Variants in ST6GAL1 observed in about 807,000 individuals in gnomAD.
ST6GAL1 encodes the protein beta-galactoside alpha-2,6-sialyltransferase 1.
ST6GAL1 carries 20 observed loss-of-function variants against 38.0 expected under a neutral mutation model. The observed-to-expected ratio is 0.53, with a 90% CI of 0.37 to 0.77. The LOEUF is 0.77. Among genes scored for constraint, ST6GAL1 ranks in the 30% least tolerant of loss-of-function variants. The pLI, the probability that ST6GAL1 is intolerant of heterozygous loss-of-function variation, is 0.00. For missense variants in ST6GAL1, 432 were observed against 496.4 expected (o/e 0.87, Z 1.23); for synonymous variants, 196 against 188.2 (o/e 1.04, Z -0.34).
At chr3:187,009,886 T>A (rs1425119247) in intron 2 of ST6GAL1, among the ~76,000 whole-genome samples, 1 of 151,972 alleles carries the variant, frequency 6.6e-6, no homozygotes, top group African/African-American at 2.4e-5. Flanking sequence ...GCACCTGTAA[T>A]CCCAGCTACT....
chr3:186,979,161 C>A (rs1233108733), intron 2 of ST6GAL1, among the ~76,000 whole-genome samples: 1 of 151,962 alleles, frequency 6.6e-6, no homozygotes, highest in Non-Finnish European at 1.5e-5. Flanking sequence ...CATTGTAAAA[C>A]AAACTGTATA....
At chr3:186,965,002 T>G (rs572139849) in intron 2 of ST6GAL1, among the ~76,000 whole-genome samples, 1 of 152,252 alleles carries the variant, frequency 6.6e-6, no homozygotes, top group Non-Finnish European at 1.5e-5. Context: ...ACAGAAATGT[T>G]TTGCGTACAG....
At chr3:187,055,383 T>C (rs1331401584) in intron 5 of ST6GAL1, among the ~76,000 whole-genome samples, 1 of 152,192 alleles carries the variant, frequency 6.6e-6, no homozygotes, top group Non-Finnish European at 1.5e-5. Context: ...CTCTAGTTCT[T>C]TTAATTGTGA....
chr3:187,076,736 A>G lies in ST6GAL1; in HGVS notation c.*933A>G, dbSNP rs1227798820. 7.5e-6 allele frequency: 3 copies of G among 398,174 alleles called. No homozygotes were observed. The highest frequency in any genetic ancestry group is 2.1e-5 in the African/African-American group (1 of 48,618). 24.7% of individuals were successfully genotyped at this position (398,174 alleles called of 1,614,324 possible). A position where few individuals can be genotyped will look rare whatever the true frequency, so the allele number is the denominator to read the frequency against. ...TTGAATTGTGTTTTTCTTTCTTCCC[A>G]TGTTTATTTTCTAAGATCTACCTGA... On this transcript the variant is annotated 3_prime_UTR_variant, in exon 8 of 8. Transcript: ENST00000169298.
intron 2 of ST6GAL1, among the ~76,000 whole-genome samples, chr3:187,022,551 T>C (rs1256679562): frequency 2.0e-5 from 3 of 152,274 alleles, no homozygotes; most frequent in Non-Finnish European, 2.9e-5. Flanking sequence ...AGCAGCCCTC[T>C]GGGTGAATAG....
intron 4 of ST6GAL1, among the ~76,000 whole-genome samples, chr3:187,044,615 AT>A (rs1718235884): frequency 6.6e-6 from 1 of 152,174 alleles, no homozygotes; most frequent in African/African-American, 2.4e-5. Flanking sequence ...TTTCTTCTCC[AT>A]TTTTGCTGCT....
At chr3:187,051,224 T>G (rs780387402) in intron 4 of ST6GAL1, 25 bp from the exon 5 acceptor site, 3 of 1,607,376 alleles carry the variant, frequency 1.9e-6, no homozygotes, top group Non-Finnish European at 2.6e-6. Flanking sequence ...TCATCACCTC[T>G]TTTCTGTTTC....
At chr3:186,974,345 G>A (rs1449890419) in intron 2 of ST6GAL1, among the ~76,000 whole-genome samples, 1 of 152,038 alleles carries the variant, frequency 6.6e-6, no homozygotes, top group Non-Finnish European at 1.5e-5. Flanking sequence ...TTACAGACCC[G>A]GAGCATCTTT....
At chr3:187,045,762 T>C (rs535148033) in intron 4 of ST6GAL1, among the ~76,000 whole-genome samples, 1 of 152,242 alleles carries the variant, frequency 6.6e-6, no homozygotes, top group Non-Finnish European at 1.5e-5. Context: ...ATTATTCTTT[T>C]ATTATGTTAA....
In ST6GAL1 at chr3:187,042,894, C is replaced by T. The variant is rs983899606; in HGVS notation, c.191C>T (p.Ser64Phe). ...LAMGSDSQSV[S>F]SSSTQDPHRG... ...ATGGGGTCTGATTCCCAGTCTGTAT[C>T]CTCAAGCAGCACCCAGGACCCCCAC... is the stretch of plus-strand genomic sequence containing the variant. The change falls in exon 4 of 8, where the codon TCC becomes TTC. Residue 64 changes from serine (S) to phenylalanine (F), a missense_variant. Ser to Phe is a radical substitution (Grantham distance 155, BLOSUM62 -2). Coordinates refer to ENST00000169298, the MANE Select transcript of ST6GAL1 (RefSeq NM_173216.2). 2 of 1,614,062 alleles carry T rather than the reference C, an allele frequency of 1.2e-6. No homozygotes were observed. The highest frequency in any genetic ancestry group is 2.7e-5 in the African/African-American group (2 of 74,920).
intron 5 of ST6GAL1, among the ~76,000 whole-genome samples, chr3:187,066,422 C>T (rs1719133457): frequency 6.6e-6 from 1 of 152,100 alleles, no homozygotes; most frequent in South Asian, 2.1e-4. Flanking sequence ...CACATTTAAT[C>T]CTAATTACCT....
chr3:187,021,740 C>CA (rs58948806), intron 2 of ST6GAL1: 4,751 of 83,010 alleles, frequency 0.057, 152 homozygotes, highest in East Asian at 0.09. Flanking sequence ...GACTCTGTCT[C>CA]AAAAAAAAAA....
intron 4 of ST6GAL1, among the ~76,000 whole-genome samples, chr3:187,046,545 AG>A (rs1390349816): frequency 2.0e-5 from 1 of 50,416 alleles, no homozygotes; most frequent in Admixed American, 2.3e-4. Context: ...AGAAAAGAAC[AG>A]GGAAAAGTCA....
chr3:187,024,373 A>G (rs553589325), intron 2 of ST6GAL1, among the ~76,000 whole-genome samples: 112 of 151,216 alleles, frequency 7.4e-4, no homozygotes, highest in Non-Finnish European at 7.4e-4. Flanking sequence ...GATTACAGGC[A>G]TGAGCCACCG....
intron 1 of ST6GAL1, among the ~76,000 whole-genome samples, chr3:186,961,083 T>A (rs530244576): frequency 6.6e-6 from 1 of 151,840 alleles, no homozygotes; most frequent in Non-Finnish European, 1.5e-5. Flanking sequence ...TTCAAGCAGC[T>A]CTCCTGCCTT....
chr3:187,062,678 T>C (rs1458632620), intron 5 of ST6GAL1, among the ~76,000 whole-genome samples: 2 of 151,842 alleles, frequency 1.3e-5, no homozygotes, highest in Non-Finnish European at 2.9e-5. Flanking sequence ...GTTTAATGAG[T>C]ATAGAGTTTC....
At chr3:187,059,666 T>C (rs1224896591) in intron 5 of ST6GAL1, among the ~76,000 whole-genome samples, 1 of 152,180 alleles carries the variant, frequency 6.6e-6, no homozygotes, top group South Asian at 2.1e-4. Context: ...ACAGGGTTGT[T>C]GTGAGGTGTA....
intron 2 of ST6GAL1, among the ~76,000 whole-genome samples, chr3:187,034,275 C>T (rs766502165): frequency 2.0e-5 from 3 of 151,978 alleles, no homozygotes; most frequent in East Asian, 3.8e-4. Flanking sequence ...AAACTTACCA[C>T]CAAAAAAAGC....
In ST6GAL1 at chr3:187,072,926, A is replaced by G; in HGVS notation, c.783A>G (p.Val261=). Residue 261 remains valine (V), a synonymous_variant, in exon 6 of 8, where the codon GTA becomes GTG. Coordinates refer to ENST00000169298, the MANE Select transcript of ST6GAL1 (RefSeq NM_173216.2). The stretch of plus-strand genomic sequence containing the variant: ...TCCTAATTGTATGGGACCCATCTGT[A>G]TACCACTCAGATATCCCAAAGGTAA... ...EGILIVWDPS[V]YHSDIPKWYQ... The G allele has an allele frequency of 6.2e-7, 1 of 1,613,844 alleles. No individual in the cohort carries two copies. The highest frequency in any genetic ancestry group is 8.5e-7 in the Non-Finnish European group (1 of 1,179,750).
Sources: allele counts gnomAD v4.1 joint callset (sites outside exome capture counted in the v4.1 genomes callset), GRCh38; gene constraint gnomAD v4.1.1; transcripts MANE v1.5; gene names NCBI Gene and HGNC (gene_info 2026-07-23, HGNC 2026-07-21).